GTF2E2: variants seen among roughly 807,000 people sequenced by gnomAD.
The protein encoded by GTF2E2 is transcription initiation factor IIE subunit beta.
Under a neutral mutation model 40.5 loss-of-function variants are expected in GTF2E2, and 21 were observed. The observed-to-expected ratio is 0.52, with a 90% confidence interval of 0.37 to 0.75. The LOEUF (loss-of-function observed/expected upper bound fraction) is 0.75, where lower values mean the gene tolerates loss of function less well. Ranked by LOEUF, GTF2E2 falls within the 30% of genes least tolerant of loss-of-function variation. The probability of loss-of-function intolerance (pLI) is 0.00; values close to 1 mark genes in which losing one functional copy is unlikely to be tolerated. For missense variants in GTF2E2, 298 were observed against 338.4 expected (o/e 0.88, Z 0.94); for synonymous variants, 117 against 121.6 (o/e 0.96, Z 0.25).
chr8:30,635,529 C>T (rs1467080865), intron 2 of GTF2E2, among the ~76,000 whole-genome samples: 3 of 152,084 alleles, frequency 2.0e-5, no homozygotes, highest in African/African-American at 4.8e-5. Flanking sequence ...ACTACAGGTG[C>T]ACACCACCAT....
At chr8:30,640,272 C>T (rs187992378) in intron 2 of GTF2E2, among the ~76,000 whole-genome samples, 2 of 152,250 alleles carry the variant, frequency 1.3e-5, no homozygotes, top group East Asian at 3.9e-4. Context: ...AATTCAAAGG[C>T]TTTTACCATA....
chr8:30,581,701 C>G (rs1235433262), intron 6 of GTF2E2, among the ~76,000 whole-genome samples: 2 of 152,234 alleles, frequency 1.3e-5, no homozygotes, highest in African/African-American at 4.8e-5. Flanking sequence ...TTCATCTGCA[C>G]ACATTATGGA....
At chr8:30,605,056 G>T (rs1829283566) in intron 6 of GTF2E2, among the ~76,000 whole-genome samples, 2 of 152,162 alleles carry the variant, frequency 1.3e-5, no homozygotes, top group South Asian at 4.1e-4. Flanking sequence ...TAACCCCAAA[G>T]AAATGCTATT....
chr8:30,638,193 A>C (rs956527631), intron 2 of GTF2E2, among the ~76,000 whole-genome samples: 7 of 152,246 alleles, frequency 4.6e-5, no homozygotes, highest in Non-Finnish European at 1.0e-4. Flanking sequence ...AGGAAGAACA[A>C]GAAAAATTTA....
chr8:30,634,433 G>A (rs1450933774), intron 3 of GTF2E2, among the ~76,000 whole-genome samples: 1 of 151,336 alleles, frequency 6.6e-6, no homozygotes, highest in African/African-American at 2.4e-5. Flanking sequence ...GGGTAACGGA[G>A]CAAGACTGTC....
rs969586521 is a variant in GTF2E2 at position 30,608,910 on chromosome 8, G to A, written c.550-1760C>T. ...ACTACAGGTGCCCGCCACCACGCCC[G>A]GCTAATTTTTTGTACTTTTTAGTAG... On this transcript the variant is annotated intron_variant, in intron 5 of 7. Coordinates refer to ENST00000355904, the MANE Select transcript of GTF2E2 (RefSeq NM_002095.6). Among the ~76,000 whole-genome samples, 9 of 152,248 alleles carry A rather than the reference G, an allele frequency of 5.9e-5. No homozygotes were observed. The East Asian group carries it at 7.8e-4, about 13-fold the overall frequency.
chr8:30,651,107 C>T (rs897003935), intron 2 of GTF2E2, among the ~76,000 whole-genome samples: 2 of 151,834 alleles, frequency 1.3e-5, no homozygotes, highest in Admixed American at 6.6e-5. Context: ...TAATATCATG[C>T]GTAAGAGTGA....
At chr8:30,614,313 C>T (rs1203045324) in intron 4 of GTF2E2, among the ~76,000 whole-genome samples, 1 of 152,214 alleles carries the variant, frequency 6.6e-6, no homozygotes, top group Non-Finnish European at 1.5e-5. Context: ...GGCGCAGTGG[C>T]TCATGCCTAT....
At chr8:30,596,129 C>T (rs73574187) in intron 6 of GTF2E2, among the ~76,000 whole-genome samples, 2 of 152,150 alleles carry the variant, frequency 1.3e-5, no homozygotes, top group East Asian at 3.9e-4. Flanking sequence ...TGTCATTTGC[C>T]TGGTTTGGGG....
intron 2 of GTF2E2, among the ~76,000 whole-genome samples, chr8:30,636,308 AGGT>A (rs774521857): frequency 1.2e-4 from 18 of 152,194 alleles, no homozygotes; most frequent in Non-Finnish European, 2.6e-4. Flanking sequence ...ACAAAGAGAG[AGGT>A]TAAGTAAAAG....
chr8:30,587,284 A>G (rs73574175), intron 6 of GTF2E2, among the ~76,000 whole-genome samples: 1,695 of 152,112 alleles, frequency 0.011, 34 homozygotes, highest in African/African-American at 0.039. Context: ...TTGGCAGTAC[A>G]TATCTGCAGT....
At chr8:30,639,166 T>C (rs1480729484) in intron 2 of GTF2E2, among the ~76,000 whole-genome samples, 4 of 152,220 alleles carry the variant, frequency 2.6e-5, no homozygotes, top group Non-Finnish European at 2.9e-5. Context: ...GCTTTGAATG[T>C]AGATGCAGAG....
intron 6 of GTF2E2, among the ~76,000 whole-genome samples, chr8:30,600,164 A>T (rs779181796): frequency 1.2e-4 from 18 of 152,168 alleles, no homozygotes; most frequent in Non-Finnish European, 2.2e-4. Flanking sequence ...TTCTCATCAG[A>T]AACACCAAAA....
At chr8:30,595,547 T>C (rs1348818322) in intron 6 of GTF2E2, among the ~76,000 whole-genome samples, 2 of 152,188 alleles carry the variant, frequency 1.3e-5, no homozygotes, top group Admixed American at 6.6e-5. Context: ...AAGATTATTT[T>C]TGCCGGATGC....
rs1259632862 is a variant in GTF2E2 at position 30,635,024 on chromosome 8, G to C, written c.258+8C>G. 3.4e-6 allele frequency: 5 copies of C among 1,490,314 alleles called. No homozygotes were observed. The African/African-American group carries it at 6.9e-5, about 21-fold the overall frequency. 92.3% of individuals were successfully genotyped at this position (1,490,314 alleles called of 1,614,324 possible). On this transcript the variant is annotated splice_region_variant and intron_variant, in intron 3 of 7. Coordinates refer to ENST00000355904, the MANE Select transcript of GTF2E2 (RefSeq NM_002095.6). ...ATAGGACTTTTGCTATCTGAGAAAA[G>C]TACTTACCTTCATGTAATTCACAAT...
chr8:30,591,077 A>G (rs528734420), intron 6 of GTF2E2, among the ~76,000 whole-genome samples: 1 of 152,384 alleles, frequency 6.6e-6, no homozygotes, highest in Non-Finnish European at 1.5e-5. Flanking sequence ...TCTGTAAAGC[A>G]TGTATCTCAC....
At position 30,578,764 on chromosome 8, in the gene GTF2E2, A is replaced by G; in HGVS notation, c.*157T>C. Reference sequence around the variant, plus strand: ...CCCATGAGCCCATTCTACTCAAATAAGCTTTGAGTTTGGTAATTTGCACTT... The same window carrying G: ...CCCATGAGCCCATTCTACTCAAATAGGCTTTGAGTTTGGTAATTTGCACTT... On this transcript the variant is annotated 3_prime_UTR_variant, in exon 8 of 8. Transcript: ENST00000355904. 1 of 574,192 alleles carries G rather than the reference A, an allele frequency of 1.7e-6. No individual in the cohort carries two copies. The highest frequency in any genetic ancestry group is 3.2e-6 in the Non-Finnish European group (1 of 316,322). The allele number at this position is 574,192 out of a possible 1,614,324, so 35.6% of individuals were successfully genotyped here.
chr8:30,580,995 A>C (rs900146304), intron 6 of GTF2E2, among the ~76,000 whole-genome samples: 1 of 152,218 alleles, frequency 6.6e-6, no homozygotes, highest in Non-Finnish European at 1.5e-5. Flanking sequence ...GCTTGTCTTC[A>C]GAAACCTGTA....
intron 6 of GTF2E2, among the ~76,000 whole-genome samples, chr8:30,595,048 G>C (rs1176808307): frequency 1.3e-5 from 2 of 152,060 alleles, no homozygotes; most frequent in Admixed American, 6.6e-5. Flanking sequence ...ATTTAGATTA[G>C]CTGGATACAT....
Sources: allele counts gnomAD v4.1 joint callset (sites outside exome capture counted in the v4.1 genomes callset), GRCh38; gene constraint gnomAD v4.1.1; transcripts MANE v1.5; gene names NCBI Gene and HGNC (gene_info 2026-07-23, HGNC 2026-07-21).